DGKG: variants seen among roughly 807,000 people sequenced by gnomAD.
DGKG encodes diacylglycerol kinase gamma.
A neutral mutation model predicts 105.3 loss-of-function variants in DGKG; 78 were observed. That is an observed-to-expected ratio of 0.74 (90% CI 0.62 to 0.89). DGKG has a LOEUF of 0.89. Ranked by LOEUF, DGKG falls within the 40% of genes least tolerant of loss-of-function variation. DGKG has a pLI of 0.00. For missense variants in DGKG, 958 were observed against 1,020.1 expected (o/e 0.94, Z 0.83); for synonymous variants, 346 against 367.1 (o/e 0.94, Z 0.66).
At chr3:186,347,448 C>CAAA (rs576239325) in intron 1 of DGKG, among the ~76,000 whole-genome samples, 20 of 51,444 alleles carry the variant, frequency 3.9e-4, no homozygotes, top group South Asian at 7.2e-4. Context: ...GACTCAGTCT[C>CAAA]AAAAAAAAAA....
At chr3:186,291,843 G>A (rs1465605346) in intron 5 of DGKG, among the ~76,000 whole-genome samples, 1 of 152,150 alleles carries the variant, frequency 6.6e-6, no homozygotes, top group African/African-American at 2.4e-5. Flanking sequence ...AGGTATATAC[G>A]TGTGTCAAAA....
At chr3:186,288,551 C>G (rs1268613477) in intron 6 of DGKG, among the ~76,000 whole-genome samples, 159 bp downstream of exon 6, 1 of 152,172 alleles carries the variant, frequency 6.6e-6, no homozygotes, top group East Asian at 1.9e-4. Context: ...AGGAGTTGTT[C>G]ATATCACTTT....
At chr3:186,355,286 C>T (rs993100096) in intron 1 of DGKG, among the ~76,000 whole-genome samples, 3 of 152,012 alleles carry the variant, frequency 2.0e-5, no homozygotes, top group African/African-American at 4.8e-5. Context: ...GCACGATCAT[C>T]ATCACCACCA....
Position 186,319,943 on chromosome 3 carries a change from G to A in DGKG, c.67+450C>T, listed in dbSNP as rs77346224. Among the ~76,000 whole-genome samples, 12 of 152,356 alleles carry A rather than the reference G, an allele frequency of 7.9e-5. No homozygotes were observed. In the East Asian group the frequency reaches 1.2e-3, roughly 15 times the overall value. Reference sequence around the variant, plus strand: ...AATGCAGGAATATACTACAGTAAACGATTGAGTAACATTGTAGCCATGCAG... The same window carrying A: ...AATGCAGGAATATACTACAGTAAACAATTGAGTAACATTGTAGCCATGCAG... On this transcript the variant is annotated intron_variant, in intron 2 of 24. Transcript: ENST00000265022.
Position 186,226,658 on chromosome 3 carries a change from G to A in DGKG, c.1827-14773C>T, listed in dbSNP as rs1382578870. Among the ~76,000 whole-genome samples the A allele has an allele frequency of 6.6e-6, 1 of 152,096 alleles. No homozygotes were observed. The highest frequency in any genetic ancestry group is 1.9e-4 in the East Asian group (1 of 5,194). On this transcript the variant is annotated intron_variant, in intron 20 of 24. Transcript: ENST00000265022. This position sits in a 1 kb window ranked among gnomAD's most constrained non-coding sequence, Gnocchi z 4.2. ...ACCCAAAACTGGAGATTACAGACCC[G>A]CTTTCAGCTTATTGAGTTCAAAGGC... is the stretch of plus-strand genomic sequence containing the variant.
Position 186,292,511 on chromosome 3 carries a change from A to C in DGKG, c.374-3631T>G, listed in dbSNP as rs1310272540. Among the ~76,000 whole-genome samples the C allele has an allele frequency of 2.0e-5, 3 of 152,186 alleles. No homozygotes were observed. The South Asian group carries it at 6.2e-4, about 32-fold the overall frequency. ...AAGTGAAGAACAAAACTGGGTCCCA[A>C]GGCCGGGCACGGTGGCTCATACCTG... On this transcript the variant is annotated intron_variant, in intron 5 of 24. Coordinates refer to ENST00000265022, the MANE Select transcript of DGKG (RefSeq NM_001346.3).
intron 20 of DGKG, among the ~76,000 whole-genome samples, chr3:186,228,705 G>A (rs1719978693): frequency 6.6e-6 from 1 of 152,156 alleles, no homozygotes; most frequent in Admixed American, 6.5e-5. Context: ...TCTCCTTGGC[G>A]AATTTCCATT....
intron 1 of DGKG, among the ~76,000 whole-genome samples, chr3:186,339,007 C>T (rs1725964371): frequency 6.6e-6 from 1 of 152,044 alleles, no homozygotes; most frequent in Non-Finnish European, 1.5e-5. Flanking sequence ...TGAATGTATA[C>T]CATTGTTAAA....
rs116578736 is a variant in DGKG at position 186,255,466 on chromosome 3, C to G, written c.1511-2284G>C. ...CTCCCCTGAGTAAGCCACATGTCAG[C>G]TGAGATCTGGAGTGGAAGCTGACTG... is the stretch of plus-strand genomic sequence containing the variant. On this transcript the variant is annotated intron_variant, in intron 17 of 24. Coordinates refer to ENST00000265022, the MANE Select transcript of DGKG (RefSeq NM_001346.3). 9.8e-3 allele frequency among the ~76,000 whole-genome samples: 1,494 copies of G among 152,330 alleles called. 10 individuals are homozygous for G. The highest frequency in any genetic ancestry group is 0.014 in the Non-Finnish European group (968 of 68,034).
At chr3:186,255,987 A>G (rs1379147104) in intron 17 of DGKG, among the ~76,000 whole-genome samples, 1 of 152,114 alleles carries the variant, frequency 6.6e-6, no homozygotes, top group African/African-American at 2.4e-5. Flanking sequence ...AGCAGCTTCT[A>G]TCACCTGTGT....
intron 14 of DGKG, among the ~76,000 whole-genome samples, chr3:186,262,314 A>G (rs897014496): frequency 2.0e-4 from 31 of 152,094 alleles, no homozygotes; most frequent in African/African-American, 7.0e-4. Flanking sequence ...TGCCTCATAC[A>G]TGACCCATCT....
chr3:186,360,747 A>G (rs139774323), intron 1 of DGKG, among the ~76,000 whole-genome samples: 1 of 152,288 alleles, frequency 6.6e-6, no homozygotes, highest in African/African-American at 2.4e-5. Flanking sequence ...CCAAAATAAC[A>G]AAGTTGATTC....
chr3:186,271,742 G>A (rs1392044571), intron 11 of DGKG, among the ~76,000 whole-genome samples: 2 of 152,148 alleles, frequency 1.3e-5, no homozygotes, highest in Non-Finnish European at 2.9e-5. Flanking sequence ...CTCTGCCCCA[G>A]CTATGCCAAA....
intron 2 of DGKG, among the ~76,000 whole-genome samples, chr3:186,310,965 T>C (rs1724514474): frequency 6.6e-6 from 1 of 152,144 alleles, no homozygotes; most frequent in African/African-American, 2.4e-5. Context: ...AGCTCGTAAG[T>C]CACACTTCTT....
intron 20 of DGKG, among the ~76,000 whole-genome samples, chr3:186,233,531 C>G (rs6444113): frequency 0.94 from 142,428 of 152,142 alleles, 67,352 homozygotes; most frequent in East Asian, 1. Flanking sequence ...CCAGGCTGGA[C>G]TGCAGTGGCG....
intron 1 of DGKG, among the ~76,000 whole-genome samples, chr3:186,345,045 G>A (rs1386485892): frequency 4.6e-5 from 7 of 152,074 alleles, no homozygotes; most frequent in East Asian, 1.9e-4. Context: ...CACCTCTACC[G>A]TGTTTCCATC....
At chr3:186,183,477 G>A (rs1199889817) in intron 22 of DGKG, among the ~76,000 whole-genome samples, 1 of 142,542 alleles carries the variant, frequency 7.0e-6, no homozygotes, top group Non-Finnish European at 1.5e-5. Context: ...AATTCCATAT[G>A]CTTCTCATGT....
chr3:186,275,093 G>A (rs1047361814), intron 10 of DGKG, among the ~76,000 whole-genome samples: 23 of 152,134 alleles, frequency 1.5e-4, no homozygotes, highest in Admixed American at 1.2e-3. Flanking sequence ...TGGCAGGGCC[G>A]GTCTTAAACT....
rs57878064 is a variant in DGKG, at chr3:186,194,803, T to TAAAAAAAAAAAAAAAAAAAA, written c.1918-6425_1918-6424insTTTTTTTTTTTTTTTTTTTT. Among the ~76,000 whole-genome samples the TAAAAAAAAAAAAAAAAAAAA allele has an allele frequency of 1.0e-3, 108 of 105,386 alleles. 7 individuals carry two copies. The highest frequency in any genetic ancestry group is 3.2e-3 in the African/African-American group (90 of 27,912). 69.1% of individuals were successfully genotyped at this position (105,386 alleles called of 152,430 possible). ...CCACGACTCTTTCTTGGTCTTTCTTTAAAAAAAAAAAAAAAAAAAGCCGGG... is the reference window on the plus strand; with the variant it reads ...CCACGACTCTTTCTTGGTCTTTCTTTAAAAAAAAAAAAAAAAAAAAAAAAAAAAAAAAAAAAAAAGCCGGG... On this transcript the variant is annotated intron_variant, in intron 21 of 24. Coordinates refer to ENST00000265022, the MANE Select transcript of DGKG (RefSeq NM_001346.3).
Sources: gnomAD v4.1 joint callset for allele counts (sites outside exome capture counted in the v4.1 genomes callset) on GRCh38, gnomAD v4.1.1 for gene constraint, Gnocchi (gnomAD v3.1) non-coding constraint, MANE v1.5 for transcripts, NCBI Gene and HGNC (gene_info 2026-07-23, HGNC 2026-07-21) for gene names.